The following LIMK1 variants were observed in gnomAD, a reference collection of about 807,000 sequenced individuals.
LIMK1 encodes the protein LIM domain kinase 1, also known as LIM motif-containing protein kinase.
Under a neutral mutation model 77.6 loss-of-function variants are expected in LIMK1, and 21 were observed. The observed-to-expected ratio is 0.27, with a 90% CI of 0.19 to 0.39. The LOEUF (loss-of-function observed/expected upper bound fraction) is 0.39. LIMK1 is among the 10% of genes least tolerant of loss of function. The probability of loss-of-function intolerance (pLI) is 1.00; values close to 1 mark genes in which losing one functional copy is unlikely to be tolerated. For synonymous variants in LIMK1, 358 were observed against 370.0 expected, an observed-to-expected ratio of 0.97 and a Z score of 0.37; for missense variants, 696 against 901.6, an observed-to-expected ratio of 0.77 and a Z score of 2.92.
At chr7:74,096,116 C>T (rs543791227) in intron 2 of LIMK1, among the ~76,000 whole-genome samples, 1 of 151,980 alleles carries the variant, frequency 6.6e-6, no homozygotes, top group Non-Finnish European at 1.5e-5. Flanking sequence ...AGGTGCCCAC[C>T]ACCATGCCTG....
intron 12 of LIMK1, among the ~76,000 whole-genome samples, chr7:74,114,384 C>A (rs1799764745): frequency 6.6e-6 from 1 of 151,522 alleles, no homozygotes. Context: ...AAATTTGTCT[C>A]TACAAAAAAA....
intron 1 of LIMK1, among the ~76,000 whole-genome samples, chr7:74,084,768 C>T (rs1406055363): frequency 6.6e-6 from 1 of 152,148 alleles, no homozygotes; most frequent in Non-Finnish European, 1.5e-5. Flanking sequence ...TTCAAGGACT[C>T]CCCCAGCCTA....
chr7:74,096,277 G>A (rs1461009485), intron 2 of LIMK1, among the ~76,000 whole-genome samples: 4 of 151,432 alleles, frequency 2.6e-5, no homozygotes, highest in Admixed American at 1.3e-4. Context: ...CGAGGTGGGC[G>A]GATCACGAGG....
intron 10 of LIMK1, 30 bp downstream of exon 10, chr7:74,109,066 G>A (rs377664272): frequency 1.8e-4 from 286 of 1,566,138 alleles, no homozygotes; most frequent in African/African-American, 2.7e-4. Flanking sequence ...AGCCACCCCC[G>A]CTGTGCGGCC....
chr7:74,109,139 G>C (rs1554698219), intron 10 of LIMK1, 103 bp downstream of exon 10: 1 of 885,834 alleles, frequency 1.1e-6, no homozygotes, highest in Non-Finnish European at 1.8e-6. Context: ...GAAGCCACAG[G>C]GGTCTCAAAG....
intron 2 of LIMK1, among the ~76,000 whole-genome samples, chr7:74,092,402 G>A (rs1480772615): frequency 3.3e-5 from 5 of 152,202 alleles, no homozygotes; most frequent in African/African-American, 1.2e-4. Context: ...CAGGCTGCTG[G>A]AGGGCTCAGC....
In LIMK1 at chr7:74,093,167, C is replaced by G. The variant is rs1396404200; in HGVS notation, c.153-3455C>G. On this transcript the variant is annotated intron_variant, in intron 2 of 15. Coordinates refer to ENST00000336180, the MANE Select transcript of LIMK1 (RefSeq NM_002314.4). ...CCTCTGCAGCCTCCAATCCTGAGCC[C>G]CTGAGGGAGGATGGGGAAGCAGCTG... 2.0e-6 allele frequency: 3 copies of G among 1,520,862 alleles called. No homozygotes were observed. In the East Asian group the frequency reaches 7.4e-5, roughly 37 times the overall value. 94.2% of individuals were successfully genotyped at this position (1,520,862 alleles called of 1,614,324 possible).
rs782725445 is a variant in LIMK1, at chr7:74,097,069, C to A, written c.292-11C>A. 25 of 1,602,052 alleles carry A rather than the reference C, an allele frequency of 1.6e-5. No individual in the cohort carries two copies. The highest frequency in any genetic ancestry group is 2.1e-5 in the Non-Finnish European group (25 of 1,171,448). On this transcript the variant is annotated splice_polypyrimidine_tract_variant and intron_variant, in intron 3 of 15. Coordinates refer to ENST00000336180, the MANE Select transcript of LIMK1 (RefSeq NM_002314.4). ...CTGAGCTGGGCTGTTCCCTCCTCACCCCCGCACCAGGTGGCTGGGGAGCTG... is the reference window on the plus strand; with the variant it reads ...CTGAGCTGGGCTGTTCCCTCCTCACACCCGCACCAGGTGGCTGGGGAGCTG...
At chr7:74,097,000 T>G (rs1799349039) in intron 3 of LIMK1, 80 bp from the exon 4 acceptor site, 1 of 1,209,734 alleles carries the variant, frequency 8.3e-7, no homozygotes. Flanking sequence ...GGTGACACCC[T>G]TGGAAGAGGC....
chr7:74,094,447 C>A (rs1208495720), intron 2 of LIMK1: 1 of 152,200 alleles, frequency 6.6e-6, no homozygotes, highest in Admixed American at 6.5e-5. Flanking sequence ...TAATCCCCCA[C>A]CCACCCACCG....
rs181616426 is a variant in LIMK1, at chr7:74,092,912, G to A, written c.153-3710G>A. ...AGAGAAGCCTGAGGCCTTCAGTGCCGTTGCCAGGGCCGAGGCTGAGGAGCC... is the reference window on the plus strand; with the variant it reads ...AGAGAAGCCTGAGGCCTTCAGTGCCATTGCCAGGGCCGAGGCTGAGGAGCC... On this transcript the variant is annotated intron_variant, in intron 2 of 15. Transcript: ENST00000336180. 1.3e-3 allele frequency among the ~76,000 whole-genome samples: 200 copies of A among 152,270 alleles called. 1 individual carries two copies. Among genetic ancestry groups the A allele is most frequent in the African/African-American group, 4.3e-3 (180 of 41,544 alleles).
At chr7:74,096,558 C>T (rs1799339664) in intron 2 of LIMK1, 64 bp from the exon 3 acceptor site, 2 of 1,598,802 alleles carry the variant, frequency 1.3e-6, no homozygotes, top group East Asian at 2.2e-5. Context: ...GTAGCCGAGG[C>T]AGGGGCCCAG....
Position 74,104,707 on chromosome 7 carries a change from C to A in LIMK1, c.609-1168C>A, listed in dbSNP as rs1297361062. Among the ~76,000 whole-genome samples, 6 of 152,230 alleles carry A rather than the reference C, an allele frequency of 3.9e-5. No homozygotes were observed. In the East Asian group the frequency reaches 1.2e-3, roughly 29 times the overall value. Reference sequence around the variant, plus strand: ...AAATAAGTAAATTTGGCAAATTGGTCTTTTTGTGAGTTAGCTTATAGGCAA... The same window carrying A: ...AAATAAGTAAATTTGGCAAATTGGTATTTTTGTGAGTTAGCTTATAGGCAA... On this transcript the variant is annotated intron_variant, in intron 5 of 15. Coordinates refer to ENST00000336180, the MANE Select transcript of LIMK1 (RefSeq NM_002314.4).
chr7:74,086,774 G>A (rs1170510654), intron 2 of LIMK1, among the ~76,000 whole-genome samples: 2 of 152,158 alleles, frequency 1.3e-5, no homozygotes, highest in African/African-American at 4.8e-5. Flanking sequence ...AGGGGGAAGA[G>A]TTGGAAGGAA....
intron 10 of LIMK1, chr7:74,110,850 A>G (rs1362655455): frequency 1.3e-5 from 2 of 152,160 alleles, no homozygotes; most frequent in Non-Finnish European, 2.9e-5. Context: ...TTTTATAGAA[A>G]ATAAATATAG....
In LIMK1 at chr7:74,115,872, G is replaced by A; in HGVS notation, c.1481G>A (p.Gly494Asp). 7.4e-6 allele frequency: 12 copies of A among 1,614,178 alleles called. No individual in the cohort carries two copies. The highest frequency in any genetic ancestry group is 1.0e-5 in the Non-Finnish European group (12 of 1,180,016). Residue 494 changes from glycine to aspartate, a missense_variant, in exon 13 of 16, where the codon GGC (glycine) becomes GAC (aspartate). Transcript: ENST00000336180. ...LMVDEKTQPE[G>D]LRSLKKPDRK... ...GTGGACGAGAAGACTCAGCCTGAGG[G>A]CCTGCGGAGCCTCAAGAAGCCAGAC...
At chr7:74,092,737 G>T (rs1397249331) in intron 2 of LIMK1, among the ~76,000 whole-genome samples, 3 of 152,218 alleles carry the variant, frequency 2.0e-5, no homozygotes, top group African/African-American at 4.8e-5. Flanking sequence ...CATGCTGCTG[G>T]CCTGTGGGGT....
chr7:74,109,906 A>C (rs2115723587), intron 10 of LIMK1: 1 of 152,376 alleles, frequency 6.6e-6, no homozygotes, highest in East Asian at 1.9e-4. Flanking sequence ...CTGGGGATCC[A>C]GTCCTGGCCT....
intron 10 of LIMK1, chr7:74,110,748 C>T (rs1232979398): frequency 2.0e-5 from 3 of 151,170 alleles, no homozygotes; most frequent in African/African-American, 7.3e-5. Flanking sequence ...TCAGGCTGGT[C>T]TCAAACTCCT....
Sources: allele counts gnomAD v4.1 joint callset (sites outside exome capture counted in the v4.1 genomes callset), GRCh38; gene constraint gnomAD v4.1.1; transcripts MANE v1.5; gene names NCBI Gene and HGNC (gene_info 2026-07-23, HGNC 2026-07-21).